The following KLK9 variants were observed in gnomAD, a reference collection of about 807,000 sequenced individuals.
The protein encoded by KLK9 is kallikrein-9.
A neutral mutation model predicts 23.3 loss-of-function variants in KLK9; 26 were observed. The observed-to-expected ratio is 1.12, with a 90% CI of 0.82 to 1.55. The LOEUF (loss-of-function observed/expected upper bound fraction) is 1.55, where lower values mean the gene tolerates loss of function less well. Ranked by LOEUF, KLK9 falls within the 40% of genes most tolerant of loss-of-function variation. The probability of loss-of-function intolerance (pLI) is 0.00; values close to 1 mark genes in which losing one functional copy is unlikely to be tolerated. For synonymous variants in KLK9, 122 were observed against 128.5 expected (o/e 0.95, Z 0.34); for missense variants, 346 against 333.7 (o/e 1.04, Z -0.29).
intron 2 of KLK9, among the ~76,000 whole-genome samples, chr19:51,008,414 G>C (rs1461944890): frequency 6.6e-6 from 1 of 150,816 alleles, no homozygotes; most frequent in Non-Finnish European, 1.5e-5. Context: ...AAATTTAAGA[G>C]TCTGGGATTC....
At chr19:51,007,210 A>T (rs926790661) in intron 2 of KLK9, among the ~76,000 whole-genome samples, 22 of 151,998 alleles carry the variant, frequency 1.4e-4, no homozygotes, top group African/African-American at 5.3e-4. Context: ...GAAAATCCCC[A>T]AATTGGGGGT....
intron 2 of KLK9, among the ~76,000 whole-genome samples, chr19:51,008,669 G>A (rs1479467783): frequency 6.6e-6 from 1 of 152,136 alleles, no homozygotes; most frequent in Non-Finnish European, 1.5e-5. Context: ...AAAGTAAACT[G>A]TATCGTTCAT....
rs893796124 is a variant in KLK9, at chr19:51,008,615, T to A, written c.200+568A>T. Among the ~76,000 whole-genome samples the A allele has an allele frequency of 2.0e-5, 3 of 152,324 alleles. No homozygotes were observed. The South Asian group carries it at 6.2e-4, about 32-fold the overall frequency. Reference sequence around the variant, plus strand: ...CTAGTCCATTTTGTAACAGGCTATGTGTGTAAAATACAGAACAGATTTCAA... The same window carrying A: ...CTAGTCCATTTTGTAACAGGCTATGAGTGTAAAATACAGAACAGATTTCAA... On this transcript the variant is annotated intron_variant, in intron 2 of 4. Coordinates refer to ENST00000594211, the MANE Select transcript of KLK9 (RefSeq NM_012315.2).
At chr19:51,005,713 C>T (rs1351341127) in intron 3 of KLK9, among the ~76,000 whole-genome samples, 1 of 151,574 alleles carries the variant, frequency 6.6e-6, no homozygotes, top group Non-Finnish European at 1.5e-5. Context: ...ATTCCAGATT[C>T]CCCTGGATCA....
intron 2 of KLK9, among the ~76,000 whole-genome samples, chr19:51,008,875 A>C (rs565993749): frequency 6.6e-6 from 1 of 152,316 alleles, no homozygotes; most frequent in South Asian, 2.1e-4. Flanking sequence ...CTGCGAATCT[A>C]TGATTCTAAA....
intron 2 of KLK9, among the ~76,000 whole-genome samples, chr19:51,007,945 A>G (rs2091261808): frequency 6.6e-6 from 1 of 152,106 alleles, no homozygotes; most frequent in South Asian, 2.1e-4. Context: ...AACATTCCAG[A>G]TTCCCCTGGA....
At chr19:51,008,874 T>C (rs1440839160) in intron 2 of KLK9, among the ~76,000 whole-genome samples, 1 of 152,196 alleles carries the variant, frequency 6.6e-6, no homozygotes, top group Non-Finnish European at 1.5e-5. Context: ...TCTGCGAATC[T>C]ATGATTCTAA....
intron 2 of KLK9, among the ~76,000 whole-genome samples, chr19:51,007,947 TC>T: frequency 6.6e-6 from 1 of 152,114 alleles, no homozygotes; most frequent in East Asian, 1.9e-4. Context: ...CATTCCAGAT[TC>T]CCCTGGATCA....
Position 51,004,169 on chromosome 19 carries a change from A to G in KLK9, c.467-329T>C, listed in dbSNP as rs144250011. Among the ~76,000 whole-genome samples the G allele has an allele frequency of 4.6e-3, 693 of 151,328 alleles. 7 individuals carry two copies. The highest frequency in any genetic ancestry group is 0.01 in the Middle Eastern group (3 of 292). The stretch of plus-strand genomic sequence containing the variant: ...AGCCCAGCCAACATGGTGAAACCCC[A>G]TCTCTGCTAAATATACAAAAATTAG... On this transcript the variant is annotated intron_variant, in intron 3 of 4. Coordinates refer to ENST00000594211, the MANE Select transcript of KLK9 (RefSeq NM_012315.2).
At chr19:51,003,324 A>G (rs1251612026) in intron 4 of KLK9, 64 bp from the exon 5 acceptor site, 1 of 1,508,844 alleles carries the variant, frequency 6.6e-7, no homozygotes, top group East Asian at 2.3e-5. Flanking sequence ...TACACGGGCC[A>G]CTTCCTCCCT....
Position 51,003,141 on chromosome 19 carries a change from A to G in KLK9, c.723T>C (p.Leu241=), listed in dbSNP as rs764894196. ...TCTCCATGATTTCTTGGATCCAGTC[A>G]AGGTAGTGGCATACGCTGGTGTAGA... ...PAVYTSVCHY[L]DWIQEIMEN The change falls in exon 5 of 5, where the codon CTT becomes CTC. Residue 241 remains leucine, a synonymous_variant. Coordinates refer to ENST00000594211, the MANE Select transcript of KLK9 (RefSeq NM_012315.2). 2 of 1,611,718 alleles carry G rather than the reference A, an allele frequency of 1.2e-6. No individual in the cohort carries two copies. Among genetic ancestry groups the G allele is most frequent in the Non-Finnish European group, 1.7e-6 (2 of 1,179,174 alleles).
Position 51,002,855 on chromosome 19 carries a change from T to G in KLK9, c.*256A>C. 1 of 414,038 alleles carries G rather than the reference T, an allele frequency of 2.4e-6. No homozygotes were observed. 25.6% of individuals were successfully genotyped at this position (414,038 alleles called of 1,614,324 possible). A position where few individuals can be genotyped will look rare whatever the true frequency, so the allele number is the denominator to read the frequency against. On this transcript the variant is annotated 3_prime_UTR_variant, in exon 5 of 5. Coordinates refer to ENST00000594211, the MANE Select transcript of KLK9 (RefSeq NM_012315.2). ...AGGCTGTGCTGTTCCAAGAAGGAGG[T>G]GATGGCTGTCGGTGACGTCATAGAG...
intron 2 of KLK9, among the ~76,000 whole-genome samples, chr19:51,007,369 A>T (rs2091259863): frequency 6.6e-6 from 1 of 151,650 alleles, no homozygotes; most frequent in Non-Finnish European, 1.5e-5. Context: ...CCTTTCGGGG[A>T]TGACAAGTCC....
At chr19:51,004,199 G>C (rs370047044) in intron 3 of KLK9, among the ~76,000 whole-genome samples, 8 of 151,520 alleles carry the variant, frequency 5.3e-5, no homozygotes, top group Non-Finnish European at 1.2e-4. Context: ...AATTAGCCAG[G>C]CATGGTGGCA....
intron 3 of KLK9, among the ~76,000 whole-genome samples, chr19:51,005,994 C>T (rs941451915): frequency 6.6e-5 from 10 of 151,374 alleles, no homozygotes; most frequent in Non-Finnish European, 1.5e-4. Flanking sequence ...TGTGGTGGTG[C>T]ATATCTGTAA....
Position 51,009,180 on chromosome 19 carries a change from C to A in KLK9, c.200+3G>T. ...CCCAGCATGGCCAGCCTGGGTCACT[C>A]ACGGCTTGCGGCAGTGGGCAGCTGT... On this transcript the variant is annotated splice_donor_region_variant and intron_variant, in intron 2 of 4. Coordinates refer to ENST00000594211, the MANE Select transcript of KLK9 (RefSeq NM_012315.2). This position sits in a 1 kb window ranked among gnomAD's most constrained non-coding sequence, Gnocchi z 4.8. 1 of 1,605,876 alleles carries A rather than the reference C, an allele frequency of 6.2e-7. No individual in the cohort carries two copies. Among genetic ancestry groups the A allele is most frequent in the South Asian group, 1.1e-5 (1 of 89,622 alleles).
At chr19:51,008,118 C>T (rs1436545557) in intron 2 of KLK9, among the ~76,000 whole-genome samples, 2 of 145,320 alleles carry the variant, frequency 1.4e-5, no homozygotes, top group African/African-American at 5.1e-5. Context: ...ATCACAAGGT[C>T]AGGAGTTCAA....
At chr19:51,008,287 G>C (rs1168839047) in intron 2 of KLK9, among the ~76,000 whole-genome samples, 1 of 137,258 alleles carries the variant, frequency 7.3e-6, no homozygotes, top group Non-Finnish European at 1.5e-5. Flanking sequence ...GCAGTGAGCT[G>C]AGATTGTGCC....
chr19:51,003,013 A>C lies in KLK9; in HGVS notation c.*98T>G. The C allele has an allele frequency of 7.1e-7, 1 of 1,409,298 alleles. No individual in the cohort carries two copies. The highest frequency in any genetic ancestry group is 9.5e-7 in the Non-Finnish European group (1 of 1,052,046). 87.3% of individuals were successfully genotyped at this position (1,409,298 alleles called of 1,614,324 possible). ...GGGGAGTCAGGGCAGCTGGAGGTCC[A>C]GGGCGGGAACCATTGAGGCTGGGAC... is the stretch of plus-strand genomic sequence containing the variant. On this transcript the variant is annotated 3_prime_UTR_variant, in exon 5 of 5. Transcript: ENST00000594211.
Sources: allele counts gnomAD v4.1 joint callset (sites outside exome capture counted in the v4.1 genomes callset), GRCh38; gene constraint gnomAD v4.1.1; non-coding constraint Gnocchi (gnomAD v3.1); transcripts MANE v1.5; gene names NCBI Gene and HGNC (gene_info 2026-07-23, HGNC 2026-07-21).